Variants in WDR41 observed in about 807,000 individuals in gnomAD.
The protein encoded by WDR41 is WD repeat-containing protein 41.
Under a neutral mutation model 69.3 loss-of-function variants are expected in WDR41, and 63 were observed. That is an observed-to-expected ratio of 0.91 (90% confidence interval 0.74 to 1.12). The LOEUF is 1.12. Ranked by LOEUF, WDR41 falls within the 50% of genes most tolerant of loss-of-function variation. The pLI is 0.00. For synonymous variants in WDR41, 185 were observed against 192.1 expected (o/e 0.96, Z 0.31); for missense variants, 543 against 534.5 (o/e 1.02, Z -0.16).
intron 1 of WDR41, chr5:77,582,295 T>C (rs1743952342): frequency 1.5e-6 from 2 of 1,339,414 alleles, no homozygotes; most frequent in African/African-American, 1.4e-5. Flanking sequence ...AGCAAGAAAG[T>C]AGACAATATG....
chr5:77,472,225 T>G (rs1252342775), intron 2 of WDR41, among the ~76,000 whole-genome samples: 4 of 151,560 alleles, frequency 2.6e-5, no homozygotes, highest in East Asian at 3.9e-4. Flanking sequence ...ATTCAACAAC[T>G]CTTCATGCTA....
At chr5:77,558,604 A>G (rs1743458943) in intron 1 of WDR41, among the ~76,000 whole-genome samples, 1 of 152,230 alleles carries the variant, frequency 6.6e-6, no homozygotes, top group South Asian at 2.1e-4. Context: ...TGTTTACGCT[A>G]TTAAACATCC....
intron 2 of WDR41, among the ~76,000 whole-genome samples, chr5:77,467,727 C>T (rs1313266269): frequency 1.3e-5 from 2 of 152,038 alleles, no homozygotes; most frequent in East Asian, 1.9e-4. Context: ...AATGCATAAG[C>T]AAACATTTAA....
rs143684631 is a variant in WDR41 at position 77,440,968 on chromosome 5, C to T, written c.727G>A (p.Gly243Arg). 742 of 1,613,468 alleles carry T rather than the reference C, an allele frequency of 4.6e-4. 1 individual carries two copies. The highest frequency in any genetic ancestry group is 6.6e-4 in the South Asian group (60 of 90,864). The change falls in exon 9 of 13, where the codon GGA becomes AGA. Residue 243 changes from glycine (G) to arginine (R), a missense_variant. By Grantham distance (125) the Gly-to-Arg change is moderately radical. Transcript: ENST00000296679. ...DLSFVTGSHVGELIIWDALDW... is the reference protein window; with the variant it reads ...DLSFVTGSHVRELIIWDALDW... ...AGGGCATCCCAGATGATCAGCTCTCCGACGTGGGAGCCGGTGACAAAACTC... is the reference window on the plus strand; with the variant it reads ...AGGGCATCCCAGATGATCAGCTCTCTGACGTGGGAGCCGGTGACAAAACTC...
rs528387678 is a variant in WDR41 at position 77,468,272 on chromosome 5, C to T, written c.168-3463G>A. On this transcript the variant is annotated intron_variant, in intron 2 of 12. Coordinates refer to ENST00000296679, the MANE Select transcript of WDR41 (RefSeq NM_018268.4). The stretch of plus-strand genomic sequence containing the variant: ...GCACTAACTATATAGATGCTTAAAC[C>T]TAAGAATAAAGATCAAGAGATTGTT... Among the ~76,000 whole-genome samples the T allele has an allele frequency of 5.9e-5, 9 of 152,126 alleles. No individual in the cohort carries two copies. The South Asian group carries it at 1.0e-3, about 18-fold the overall frequency.
chr5:77,435,752 C>T (rs762820264), intron 12 of WDR41, among the ~76,000 whole-genome samples: 3 of 152,178 alleles, frequency 2.0e-5, no homozygotes, highest in Admixed American at 6.5e-5. Context: ...TAAAAGCTTA[C>T]GCATTTCATA....
In WDR41 at chr5:77,437,319, T is replaced by G; in HGVS notation, c.1093+17A>C. 1.2e-6 allele frequency: 2 copies of G among 1,610,854 alleles called. No homozygotes were observed. Among genetic ancestry groups the G allele is most frequent in the Non-Finnish European group, 1.7e-6 (2 of 1,177,640 alleles). On this transcript the variant is annotated intron_variant, in intron 11 of 12. Coordinates refer to ENST00000296679, the MANE Select transcript of WDR41 (RefSeq NM_018268.4). ...AAAGGAGAGAAAAAGACTACCTTTT[T>G]GAGAGAAGACACACACCTGTTGGTA...
chr5:77,443,019 T>C (rs1799237308), intron 8 of WDR41, among the ~76,000 whole-genome samples: 1 of 151,576 alleles, frequency 6.6e-6, no homozygotes. Context: ...ATTTAAATTA[T>C]TACATATTTA....
At chr5:77,567,280 T>G (rs939099284) in intron 1 of WDR41, among the ~76,000 whole-genome samples, 18 of 152,170 alleles carry the variant, frequency 1.2e-4, no homozygotes, top group African/African-American at 4.3e-4. Flanking sequence ...TTTTATTATA[T>G]TAGCTAACAA....
At chr5:77,484,823 A>C (rs1801437920) in intron 2 of WDR41, among the ~76,000 whole-genome samples, 1 of 152,150 alleles carries the variant, frequency 6.6e-6, no homozygotes, top group South Asian at 2.1e-4. Context: ...AGCTGTGAGG[A>C]ATATAGTTAT....
chr5:77,514,882 T>C (rs1005950158), intron 1 of WDR41, among the ~76,000 whole-genome samples: 13 of 152,156 alleles, frequency 8.5e-5, no homozygotes, highest in African/African-American at 3.1e-4. Flanking sequence ...GTATGAAAGA[T>C]TTTTAAAAGG....
intron 1 of WDR41, among the ~76,000 whole-genome samples, chr5:77,508,136 T>C (rs1014863275): frequency 6.6e-6 from 1 of 152,204 alleles, no homozygotes; most frequent in African/African-American, 2.4e-5. Flanking sequence ...TTTTTTCTTT[T>C]GGAGACAGGG....
intron 1 of WDR41, among the ~76,000 whole-genome samples, chr5:77,502,486 G>T (rs551870911): frequency 6.6e-5 from 10 of 152,128 alleles, no homozygotes; most frequent in African/African-American, 2.2e-4. Context: ...ACCTAGCAAG[G>T]CAGGCTAACA....
intron 12 of WDR41, among the ~76,000 whole-genome samples, chr5:77,435,753 G>C (rs1017959888): frequency 1.3e-5 from 2 of 152,124 alleles, no homozygotes; most frequent in African/African-American, 4.8e-5. Flanking sequence ...AAAAGCTTAC[G>C]CATTTCATAA....
chr5:77,469,135 G>C (rs1043401799), intron 2 of WDR41, among the ~76,000 whole-genome samples: 1 of 151,866 alleles, frequency 6.6e-6, no homozygotes, highest in East Asian at 1.9e-4. Flanking sequence ...GCAAACTATC[G>C]CCAAGGACAA....
intron 1 of WDR41, among the ~76,000 whole-genome samples, chr5:77,498,942 A>T (rs1386532543): frequency 1.3e-5 from 2 of 152,174 alleles, no homozygotes; most frequent in East Asian, 3.8e-4. Context: ...CAAAATTAAC[A>T]CTTCTGTTCT....
intron 9 of WDR41, among the ~76,000 whole-genome samples, chr5:77,440,066 C>A (rs1054670733): frequency 1.3e-5 from 2 of 152,110 alleles, no homozygotes; most frequent in Non-Finnish European, 2.9e-5. Context: ...TCTCCCCCCA[C>A]TACATAACAC....
intron 2 of WDR41, among the ~76,000 whole-genome samples, chr5:77,469,233 G>C (rs1431190942): frequency 6.6e-6 from 1 of 152,052 alleles, no homozygotes; most frequent in Non-Finnish European, 1.5e-5. Flanking sequence ...CACACACCAG[G>C]GCCTGTCGTG....
intron 1 of WDR41, among the ~76,000 whole-genome samples, chr5:77,537,318 C>G (rs1201886498): frequency 6.6e-6 from 1 of 152,192 alleles, no homozygotes; most frequent in Non-Finnish European, 1.5e-5. Flanking sequence ...TTTTACTCAC[C>G]AGTCCCTGGA....
Sources: gnomAD v4.1 joint callset for allele counts (sites outside exome capture counted in the v4.1 genomes callset) on GRCh38, gnomAD v4.1.1 for gene constraint, MANE v1.5 for transcripts, NCBI Gene and HGNC (gene_info 2026-07-23, HGNC 2026-07-21) for gene names.